Variants in PHF20 observed in about 807,000 individuals in gnomAD.
The protein encoded by PHF20 is PHD finger protein 20, also known as glioma-expressed antigen 2.
PHF20 carries 23 observed loss-of-function variants against 113.5 expected under a neutral mutation model. The observed-to-expected ratio is 0.20, with a 90% CI of 0.15 to 0.29. PHF20 has a LOEUF of 0.29. Ranked by LOEUF, PHF20 falls within the 10% of genes least tolerant of loss-of-function variation. PHF20 has a pLI of 1.00. For synonymous variants in PHF20, 434 were observed against 457.3 expected, an observed-to-expected ratio of 0.95 and a Z score of 0.65; for missense variants, 943 against 1,219.6, an observed-to-expected ratio of 0.77 and a Z score of 3.38.
intron 2 of PHF20, among the ~76,000 whole-genome samples, chr20:35,808,461 G>A (rs1237956375): frequency 6.6e-6 from 1 of 150,520 alleles, no homozygotes; most frequent in Non-Finnish European, 1.5e-5. Context: ...CCTATTCCTT[G>A]TTTGCTGGAA....
At chr20:35,799,729 G>A (rs1437014112) in intron 1 of PHF20, among the ~76,000 whole-genome samples, 1 of 151,852 alleles carries the variant, frequency 6.6e-6, no homozygotes, top group Non-Finnish European at 1.5e-5. Context: ...GTGCAGTGGC[G>A]TGATCTCGGC....
intron 13 of PHF20, among the ~76,000 whole-genome samples, chr20:35,926,495 T>C (rs2055639113): frequency 6.6e-6 from 1 of 152,058 alleles, no homozygotes; most frequent in African/African-American, 2.4e-5. Context: ...CGCCTCGGCC[T>C]CCCAAAGTGC....
At chr20:35,929,875 T>C (rs1471819126) in intron 14 of PHF20, among the ~76,000 whole-genome samples, 1 of 152,232 alleles carries the variant, frequency 6.6e-6, no homozygotes, top group African/African-American at 2.4e-5. Flanking sequence ...AAAAATAGTT[T>C]TAACAGAATC....
chr20:35,848,550 C>T (rs540160494), intron 4 of PHF20, among the ~76,000 whole-genome samples: 10 of 152,082 alleles, frequency 6.6e-5, no homozygotes, highest in Non-Finnish European at 1.5e-4. Flanking sequence ...CATGCCCAGC[C>T]GCAACTTTTT....
rs573301316 is a variant in PHF20, at chr20:35,897,903, T to A, written c.1283-1467T>A. Among the ~76,000 whole-genome samples the A allele has an allele frequency of 7.4e-4, 110 of 147,864 alleles. 1 individual carries two copies. The highest frequency in any genetic ancestry group is 2.6e-3 in the African/African-American group (105 of 39,836). On this transcript the variant is annotated intron_variant, in intron 9 of 17. Coordinates refer to ENST00000374012, the MANE Select transcript of PHF20 (RefSeq NM_016436.5). The stretch of plus-strand genomic sequence containing the variant: ...TTTTGTTTTGTTTTTTGAGACAGAG[T>A]CTTGCTCTGTCACCCAGGCTGTAGT...
chr20:35,779,045 T>G (rs1437090408), intron 1 of PHF20, among the ~76,000 whole-genome samples: 1 of 151,248 alleles, frequency 6.6e-6, no homozygotes, highest in Admixed American at 6.6e-5. Context: ...TGTTTTTTGT[T>G]TTTTTTTTGA....
At chr20:35,925,903 A>G (rs1157897264) in intron 13 of PHF20, among the ~76,000 whole-genome samples, 1 of 151,858 alleles carries the variant, frequency 6.6e-6, no homozygotes, top group Non-Finnish European at 1.5e-5. Context: ...CAGGCGGATC[A>G]TGAGGTTATG....
chr20:35,849,322 A>G (rs900495142), intron 4 of PHF20: 5 of 400,404 alleles, frequency 1.2e-5, no homozygotes, highest in African/African-American at 1.1e-4. Context: ...GGTGGAGGCA[A>G]TGAAGGCTTA....
chr20:35,823,894 C>T (rs1460416919), intron 2 of PHF20, among the ~76,000 whole-genome samples: 6 of 152,156 alleles, frequency 3.9e-5, no homozygotes, highest in Non-Finnish European at 7.3e-5. Context: ...CGTATTTTTG[C>T]ATGAGCAAAA....
chr20:35,949,908 C>G lies in PHF20; in HGVS notation c.*2281C>G, dbSNP rs2056148729. 6.6e-6 allele frequency: 1 copy of G among 152,446 alleles called. No homozygotes were observed. 9.4% of individuals were successfully genotyped at this position (152,446 alleles called of 1,614,324 possible). On this transcript the variant is annotated 3_prime_UTR_variant, in exon 18 of 18. Coordinates refer to ENST00000374012, the MANE Select transcript of PHF20 (RefSeq NM_016436.5). Reference sequence around the variant, plus strand: ...TCTCTACTAAAAGTACAAAAATTAGCTGGGCGTGGTGGCGGACGCCTGTAA... The same window carrying G: ...TCTCTACTAAAAGTACAAAAATTAGGTGGGCGTGGTGGCGGACGCCTGTAA...
chr20:35,897,220 TG>T (rs1008412562), intron 9 of PHF20, among the ~76,000 whole-genome samples: 6 of 151,970 alleles, frequency 3.9e-5, no homozygotes, highest in Non-Finnish European at 7.4e-5. Flanking sequence ...TTTTTTTTTT[TG>T]TAGAGATGGG....
intron 17 of PHF20, among the ~76,000 whole-genome samples, chr20:35,946,135 G>A (rs551833799): frequency 3.3e-5 from 5 of 150,732 alleles, no homozygotes; most frequent in African/African-American, 4.9e-5. Flanking sequence ...CATTGCCATT[G>A]TACTCCAGCC....
intron 4 of PHF20, among the ~76,000 whole-genome samples, chr20:35,852,787 CG>C (rs1229314712): frequency 2.0e-5 from 3 of 151,602 alleles, no homozygotes; most frequent in Non-Finnish European, 2.9e-5. Flanking sequence ...TTAGTAGAGA[CG>C]GGGTTTCACC....
At chr20:35,783,836 A>G (rs973769190) in intron 1 of PHF20, among the ~76,000 whole-genome samples, 1 of 151,568 alleles carries the variant, frequency 6.6e-6, no homozygotes, top group Admixed American at 6.6e-5. Context: ...ACAAAAAATT[A>G]GCCGGGCATG....
At position 35,821,638 on chromosome 20, in the gene PHF20, G is replaced by A. The variant is rs560975909; in HGVS notation, c.83+20033G>A. ...GGTGCCACTTCACTCCATCCCAGGT[G>A]ACAGAGCCAGACCCTGTCTCAAAAA... On this transcript the variant is annotated intron_variant, in intron 2 of 17. Coordinates refer to ENST00000374012, the MANE Select transcript of PHF20 (RefSeq NM_016436.5). 3.9e-5 allele frequency among the ~76,000 whole-genome samples: 6 copies of A among 152,188 alleles called. No homozygotes were observed. The East Asian group carries it at 1.2e-3, about 29-fold the overall frequency.
Position 35,844,543 on chromosome 20 carries a change from CCACACACACACACACA to C in PHF20, c.255+1832_255+1847del, listed in dbSNP as rs61622083. On this transcript the variant is annotated intron_variant, in intron 3 of 17. Coordinates refer to ENST00000374012, the MANE Select transcript of PHF20 (RefSeq NM_016436.5). ...AATCTCCCATTTTTCTTCACCATCA[CCACACACACACACACA>C]CACACACACACACACACACACACAC... 4.3e-3 allele frequency among the ~76,000 whole-genome samples: 509 copies of C among 117,724 alleles called. 3 individuals carry two copies. The highest frequency in any genetic ancestry group is 0.014 in the African/African-American group (443 of 30,950). 77.2% of individuals were successfully genotyped at this position (117,724 alleles called of 152,430 possible).
chr20:35,859,678 C>T (rs1358921830), intron 5 of PHF20, among the ~76,000 whole-genome samples: 1 of 151,924 alleles, frequency 6.6e-6, no homozygotes, highest in East Asian at 1.9e-4. Flanking sequence ...TCCCAAGTAG[C>T]TGAGACTAGG....
intron 9 of PHF20, among the ~76,000 whole-genome samples, chr20:35,875,227 G>A (rs571460308): frequency 4.0e-5 from 6 of 151,886 alleles, no homozygotes; most frequent in South Asian, 4.2e-4. Flanking sequence ...GTGAAACCCC[G>A]TCTCTACTAA....
intron 2 of PHF20, among the ~76,000 whole-genome samples, chr20:35,816,917 GA>G (rs2042086031): frequency 6.7e-6 from 1 of 148,154 alleles, no homozygotes; most frequent in Admixed American, 6.8e-5. Flanking sequence ...TCAGCCTCGT[GA>G]GTAGTGGGAT....
Sources: allele counts gnomAD v4.1 joint callset (sites outside exome capture counted in the v4.1 genomes callset), GRCh38; gene constraint gnomAD v4.1.1; transcripts MANE v1.5; gene names NCBI Gene and HGNC (gene_info 2026-07-23, HGNC 2026-07-21).